SUSD4: variants seen among roughly 807,000 people sequenced by gnomAD.
SUSD4 encodes sushi domain-containing protein 4.
In SUSD4, 41 loss-of-function variants were observed where a neutral mutation model predicts 50.5. That is an observed-to-expected ratio of 0.81 (90% CI 0.63 to 1.05). The LOEUF (loss-of-function observed/expected upper bound fraction) is 1.05. Among genes scored for constraint, SUSD4 ranks in the 50% least tolerant of loss-of-function variants. The pLI is 0.00. For synonymous variants in SUSD4, 257 were observed against 257.3 expected, an observed-to-expected ratio of 1.00 and a Z score of 0.01; for missense variants, 580 against 634.7, an observed-to-expected ratio of 0.91 and a Z score of 0.93.
chr1:223,266,029 T>C (rs1479978362), intron 4 of SUSD4, among the ~76,000 whole-genome samples: 1 of 152,126 alleles, frequency 6.6e-6, no homozygotes, highest in East Asian at 1.9e-4. Flanking sequence ...GAAACCCCAG[T>C]ATATGGTGTC....
intron 5 of SUSD4, among the ~76,000 whole-genome samples, chr1:223,244,102 T>C (rs1227536140): frequency 6.6e-6 from 1 of 152,220 alleles, no homozygotes; most frequent in Admixed American, 6.5e-5. Flanking sequence ...AAAACATTAA[T>C]AGCACAATCT....
At chr1:223,241,883 T>C (rs2103023636) in intron 5 of SUSD4, among the ~76,000 whole-genome samples, 1 of 152,250 alleles carries the variant, frequency 6.6e-6, no homozygotes, top group South Asian at 2.1e-4. Flanking sequence ...TTAGTCTTCT[T>C]GGGGAAGACA....
intron 2 of SUSD4, among the ~76,000 whole-genome samples, chr1:223,316,877 C>G (rs947816611): frequency 6.6e-6 from 1 of 152,064 alleles, no homozygotes; most frequent in African/African-American, 2.4e-5. Flanking sequence ...CCAAAGAAGG[C>G]AAGAGAGGGT....
At chr1:223,244,160 C>T (rs553998881) in intron 5 of SUSD4, among the ~76,000 whole-genome samples, 1 of 152,190 alleles carries the variant, frequency 6.6e-6, no homozygotes, top group African/African-American at 2.4e-5. Flanking sequence ...ACATCTCCCA[C>T]CGGGGTTTGG....
At chr1:223,248,400 C>A (rs756952198) in intron 5 of SUSD4, among the ~76,000 whole-genome samples, 9 of 152,288 alleles carry the variant, frequency 5.9e-5, no homozygotes, top group East Asian at 5.8e-4. Context: ...GAATTCTAAT[C>A]ATCAAAACTG....
At chr1:223,238,847 T>A (rs945606395) in intron 5 of SUSD4, among the ~76,000 whole-genome samples, 4 of 152,008 alleles carry the variant, frequency 2.6e-5, no homozygotes, top group African/African-American at 9.7e-5. Context: ...TGTCAATTAT[T>A]GTTTGATGAT....
At chr1:223,274,472 A>C (rs1344402639) in intron 3 of SUSD4, among the ~76,000 whole-genome samples, 1 of 152,240 alleles carries the variant, frequency 6.6e-6, no homozygotes, top group Non-Finnish European at 1.5e-5. Context: ...AGAACCAGAC[A>C]CTTAAGACCT....
At chr1:223,295,230 T>C (rs1162311919) in intron 2 of SUSD4, among the ~76,000 whole-genome samples, 1 of 152,188 alleles carries the variant, frequency 6.6e-6, no homozygotes, top group African/African-American at 2.4e-5. Flanking sequence ...CTGTTACATA[T>C]ATTGAAACAT....
chr1:223,354,718 G>A (rs1012000327), intron 2 of SUSD4, among the ~76,000 whole-genome samples: 1 of 152,148 alleles, frequency 6.6e-6, no homozygotes, highest in African/African-American at 2.4e-5. Context: ...TAGCTTAAAA[G>A]GACTGTTGAG....
rs1558197309 is a variant in SUSD4 at position 223,268,047 on chromosome 1, A to ATATATATATATATATG, written c.535+454_535+455insCATATATATATATATA. ...TATATATATATATATATATATACAC[A>ATATATATATATATATG]CACACTGTTAAGAGAAAACAGCCTC... is the stretch of plus-strand genomic sequence containing the variant. On this transcript the variant is annotated intron_variant, in intron 4 of 8. Coordinates refer to ENST00000366878, the MANE Select transcript of SUSD4 (RefSeq NM_017982.4). Among the ~76,000 whole-genome samples the ATATATATATATATATG allele has an allele frequency of 2.0e-4, 12 of 59,706 alleles. 1 individual carries two copies. The highest frequency in any genetic ancestry group is 6.2e-4 in the African/African-American group (12 of 19,434). 39.2% of individuals were successfully genotyped at this position (59,706 alleles called of 152,430 possible). A position where few individuals can be genotyped will look rare whatever the true frequency, so the allele number is the denominator to read the frequency against.
chr1:223,256,916 C>T (rs945623239), intron 5 of SUSD4, among the ~76,000 whole-genome samples: 2 of 152,164 alleles, frequency 1.3e-5, no homozygotes, highest in African/African-American at 4.8e-5. Context: ...GGAAGGAGCA[C>T]CGGAGCTGTC....
intron 3 of SUSD4, among the ~76,000 whole-genome samples, chr1:223,280,885 A>C (rs925028580): frequency 2.6e-5 from 4 of 152,128 alleles, no homozygotes; most frequent in East Asian, 3.9e-4. Context: ...ATAACAAACT[A>C]TCTCTCAGAC....
At chr1:223,269,567 C>T (rs1041629075) in intron 3 of SUSD4, among the ~76,000 whole-genome samples, 1 of 152,194 alleles carries the variant, frequency 6.6e-6, no homozygotes, top group Non-Finnish European at 1.5e-5. Context: ...TGGTTTAAGG[C>T]ACATTGATCG....
chr1:223,242,651 G>A (rs1169466204), intron 5 of SUSD4, among the ~76,000 whole-genome samples: 1 of 152,218 alleles, frequency 6.6e-6, no homozygotes, highest in Non-Finnish European at 1.5e-5. Context: ...CTCGTTGGCT[G>A]AATAACCACA....
chr1:223,316,935 T>C (rs1284399202), intron 2 of SUSD4, among the ~76,000 whole-genome samples: 2 of 152,070 alleles, frequency 1.3e-5, no homozygotes, highest in Non-Finnish European at 2.9e-5. Context: ...GCCTTGGAGA[T>C]GACGATGAGT....
chr1:223,250,029 G>T (rs953103685), intron 5 of SUSD4, among the ~76,000 whole-genome samples: 2 of 152,194 alleles, frequency 1.3e-5, no homozygotes, highest in African/African-American at 4.8e-5. Flanking sequence ...TAGTGCAAAG[G>T]TGCAAGAGTG....
chr1:223,287,734 T>C (rs776274951), intron 3 of SUSD4, among the ~76,000 whole-genome samples: 1 of 152,174 alleles, frequency 6.6e-6, no homozygotes, highest in Non-Finnish European at 1.5e-5. Flanking sequence ...TGAAGTTTAC[T>C]TGAAACCAAG....
At chr1:223,282,096 A>G (rs1302431741) in intron 3 of SUSD4, among the ~76,000 whole-genome samples, 2 of 152,214 alleles carry the variant, frequency 1.3e-5, no homozygotes, top group East Asian at 3.9e-4. Context: ...TCTCAAAATA[A>G]TAAGAGCTAT....
chr1:223,307,474 TAAC>T (rs1665611913), intron 2 of SUSD4, among the ~76,000 whole-genome samples: 1 of 152,204 alleles, frequency 6.6e-6, no homozygotes, highest in Non-Finnish European at 1.5e-5. Flanking sequence ...CTGTTAATAG[TAAC>T]AACTTTCAAA....
Sources: allele counts gnomAD v4.1 joint callset (sites outside exome capture counted in the v4.1 genomes callset), GRCh38; gene constraint gnomAD v4.1.1; transcripts MANE v1.5; gene names NCBI Gene and HGNC (gene_info 2026-07-23, HGNC 2026-07-21).